The following ADIPOR2 variants were observed in gnomAD, a reference collection of about 807,000 sequenced individuals.
The protein encoded by ADIPOR2 is adiponectin receptor protein 2.
Under a neutral mutation model 40.9 loss-of-function variants are expected in ADIPOR2, and 18 were observed. The ratio of observed to expected loss-of-function variants is 0.44; its 90% CI spans 0.30 to 0.65. ADIPOR2 has a LOEUF of 0.65. Ranked by LOEUF, ADIPOR2 falls within the 30% of genes least tolerant of loss-of-function variation. The pLI, the probability that ADIPOR2 is intolerant of heterozygous loss-of-function variation, is 0.09. For synonymous variants in ADIPOR2, 165 were observed against 166.4 expected, an observed-to-expected ratio of 0.99 and a Z score of 0.06; for missense variants, 283 against 479.2, an observed-to-expected ratio of 0.59 and a Z score of 3.82.
At chr12:1,754,696 TTATTACTACTACTACTACTACTACTAC>T (rs749884559) in intron 2 of ADIPOR2, among the ~76,000 whole-genome samples, 182 bp downstream of exon 2, 224 of 60,200 alleles carry the variant, frequency 3.7e-3, no homozygotes, top group African/African-American at 9.4e-3. Context: ...TTTATTATTA[TTATTACTACTACTACTACTACTACTAC>T]TACTACTACT....
chr12:1,724,229 C>T (rs562037178), intron 1 of ADIPOR2, among the ~76,000 whole-genome samples: 13 of 152,254 alleles, frequency 8.5e-5, no homozygotes, highest in African/African-American at 3.1e-4. Flanking sequence ...GATCCACCTG[C>T]CTTGGCCTCC....
chr12:1,738,457 G>A (rs2094735871), intron 1 of ADIPOR2, among the ~76,000 whole-genome samples: 1 of 152,148 alleles, frequency 6.6e-6, no homozygotes, highest in African/African-American at 2.4e-5. Context: ...CACAAGCCCT[G>A]TAATTTCTCA....
intron 1 of ADIPOR2, among the ~76,000 whole-genome samples, chr12:1,741,977 A>C (rs2094743738): frequency 6.6e-6 from 1 of 151,418 alleles, no homozygotes; most frequent in South Asian, 2.1e-4. Flanking sequence ...GAATTTTATT[A>C]CCTCTAGGCT....
At chr12:1,744,180 C>T (rs2094749827) in intron 1 of ADIPOR2, among the ~76,000 whole-genome samples, 1 of 151,330 alleles carries the variant, frequency 6.6e-6, no homozygotes, top group Middle Eastern at 3.4e-3. Flanking sequence ...GATCTTAGCT[C>T]ACTGCAAGCT....
chr12:1,767,171 T>TGAGGCAGGAGAATCGCTTG (rs1862399433), intron 2 of ADIPOR2, among the ~76,000 whole-genome samples: 1 of 148,174 alleles, frequency 6.7e-6, no homozygotes, highest in Non-Finnish European at 1.5e-5. Context: ...CTCGGGAGGC[T>TGAGGCAGGAGAATCGCTTG]GAGGCAGGAG....
chr12:1,728,243 G>A (rs1166648638), intron 1 of ADIPOR2, among the ~76,000 whole-genome samples: 1 of 151,802 alleles, frequency 6.6e-6, no homozygotes, highest in East Asian at 2.0e-4. Context: ...CTCCCAAGCA[G>A]CTGGGATTGC....
At chr12:1,746,724 A>C (rs934265249) in intron 1 of ADIPOR2, among the ~76,000 whole-genome samples, 3 of 152,204 alleles carry the variant, frequency 2.0e-5, no homozygotes, top group African/African-American at 7.2e-5. Context: ...AGACAGATCT[A>C]GTCTAGTTAG....
chr12:1,748,803 G>C (rs2094762643), intron 1 of ADIPOR2, among the ~76,000 whole-genome samples: 1 of 151,944 alleles, frequency 6.6e-6, no homozygotes, highest in Non-Finnish European at 1.5e-5. Flanking sequence ...CACAGAAGAA[G>C]ACTTCTGTGA....
At chr12:1,728,849 A>G (rs1422097341) in intron 1 of ADIPOR2, among the ~76,000 whole-genome samples, 1 of 152,172 alleles carries the variant, frequency 6.6e-6, no homozygotes. Flanking sequence ...TCTGATTTAC[A>G]GATATTGATA....
At chr12:1,729,617 G>T (rs568229577) in intron 1 of ADIPOR2, among the ~76,000 whole-genome samples, 220 of 88,976 alleles carry the variant, frequency 2.5e-3, no homozygotes, top group African/African-American at 3.5e-3. Context: ...TCAGCCAGTT[G>T]TTTTTTTTTT....
chr12:1,777,878 A>T lies in ADIPOR2; in HGVS notation c.316A>T (p.Ile106Phe). ...CKVWEGRWRVIPHDVLPDWLK... is the reference protein window; with the variant it reads ...CKVWEGRWRVFPHDVLPDWLK... Reference sequence around the variant, plus strand: ...GGTATGGGAAGGTCGGTGGCGAGTGATCCCTCATGATGTACTACCAGACTG... The same window carrying T: ...GGTATGGGAAGGTCGGTGGCGAGTGTTCCCTCATGATGTACTACCAGACTG... Residue 106 changes from isoleucine (I) to phenylalanine (F), a missense_variant, in exon 4 of 8, where the codon ATC becomes TTC. Physicochemically the swap from Ile to Phe is conservative, Grantham distance 21. Transcript: ENST00000357103. The T allele has an allele frequency of 6.2e-7, 1 of 1,612,824 alleles. No individual in the cohort carries two copies. The highest frequency in any genetic ancestry group is 8.5e-7 in the Non-Finnish European group (1 of 1,179,558).
intron 1 of ADIPOR2, among the ~76,000 whole-genome samples, chr12:1,725,307 G>A (rs957344570): frequency 7.3e-6 from 1 of 137,468 alleles, no homozygotes; most frequent in African/African-American, 2.8e-5. Context: ...TAGTAGAGAC[G>A]GGGTTTCACT....
At chr12:1,762,439 C>G (rs1210307237) in intron 2 of ADIPOR2, among the ~76,000 whole-genome samples, 1 of 151,908 alleles carries the variant, frequency 6.6e-6, no homozygotes, top group Non-Finnish European at 1.5e-5. Flanking sequence ...AGAGTCTAAC[C>G]TGGTCTTTGA....
At chr12:1,781,697 C>T (rs1862723670) in intron 6 of ADIPOR2, among the ~76,000 whole-genome samples, 3 of 152,138 alleles carry the variant, frequency 2.0e-5, no homozygotes, top group Admixed American at 2.0e-4. Flanking sequence ...ATGTTCTTGT[C>T]TCCTACTCAG....
Position 1,750,218 on chromosome 12 carries a change from T to C in ADIPOR2, c.-86-4040T>C, listed in dbSNP as rs117554184. On this transcript the variant is annotated intron_variant, in intron 1 of 7. Transcript: ENST00000357103. ...TTTTCTATGGAGCAGTTGTAAATGG[T>C]ATTGTTAAAAATTTCAGTTTCTGCG... Among the ~76,000 whole-genome samples the C allele has an allele frequency of 7.6e-4, 116 of 152,166 alleles. 2 individuals are homozygous for C. The East Asian group carries it at 0.011, about 14-fold the overall frequency.
chr12:1,695,417 G>T (rs2094636435), intron 1 of ADIPOR2, among the ~76,000 whole-genome samples: 1 of 151,790 alleles, frequency 6.6e-6, no homozygotes, highest in Non-Finnish European at 1.5e-5. Context: ...ACTTTGGGAG[G>T]CCAAGGCAGG....
At chr12:1,710,356 C>T (rs1220242472) in intron 1 of ADIPOR2, among the ~76,000 whole-genome samples, 3 of 152,144 alleles carry the variant, frequency 2.0e-5, no homozygotes, top group South Asian at 2.1e-4. Flanking sequence ...TAACACTCAC[C>T]GTGAAGGTCT....
Position 1,754,836 on chromosome 12 carries a change from G to A in ADIPOR2, c.171+322G>A, listed in dbSNP as rs367779282. Among the ~76,000 whole-genome samples the A allele has an allele frequency of 9.4e-4, 115 of 122,976 alleles. 2 individuals are homozygous for A. The highest frequency in any genetic ancestry group is 2.7e-3 in the African/African-American group (109 of 39,768). 80.7% of individuals were successfully genotyped at this position (122,976 alleles called of 152,430 possible). On this transcript the variant is annotated intron_variant, in intron 2 of 7. Transcript: ENST00000357103. ...CAACCTCCGCCTCCTGGGTTCAAGC[G>A]ATTCTCCTGCCTCGACTACAGGTAC... is the stretch of plus-strand genomic sequence containing the variant.
intron 1 of ADIPOR2, among the ~76,000 whole-genome samples, chr12:1,724,084 C>T (rs562598189): frequency 2.0e-4 from 30 of 151,800 alleles, no homozygotes; most frequent in South Asian, 4.2e-4. Flanking sequence ...CGGGTTCAAG[C>T]GATTCTCCTG....
Sources: gnomAD v4.1 joint callset for allele counts (sites outside exome capture counted in the v4.1 genomes callset) on GRCh38, gnomAD v4.1.1 for gene constraint, MANE v1.5 for transcripts, NCBI Gene and HGNC (gene_info 2026-07-23, HGNC 2026-07-21) for gene names.